INPP5E: variants seen among roughly 807,000 people sequenced by gnomAD.
INPP5E encodes phosphatidylinositol polyphosphate 5-phosphatase type IV.
In INPP5E, 34 loss-of-function variants were observed where a neutral mutation model predicts 50.5. That is an observed-to-expected ratio of 0.67 (90% CI 0.51 to 0.90). The LOEUF is 0.90. Among genes scored for constraint, INPP5E ranks in the 40% least tolerant of loss-of-function variants. The probability of loss-of-function intolerance (pLI) is 0.00; values close to 1 mark genes in which losing one functional copy is unlikely to be tolerated. For synonymous variants in INPP5E, 447 were observed against 406.0 expected (o/e 1.10, Z -1.21); for missense variants, 942 against 905.5 (o/e 1.04, Z -0.52).
intron 1 of INPP5E, chr9:136,436,089 C>T (rs541267887): frequency 1.9e-4 from 29 of 152,364 alleles, no homozygotes; most frequent in African/African-American, 7.0e-4. Flanking sequence ...CCTGTGACCT[C>T]CCGCGAGAAC....
rs992365441 is a variant in INPP5E, at chr9:136,432,350, G to A, written c.1387+129C>T. 13 of 717,922 alleles carry A rather than the reference G, an allele frequency of 1.8e-5. No homozygotes were observed. The African/African-American group carries it at 2.1e-4, about 12-fold the overall frequency. The allele number at this position is 717,922 out of a possible 1,614,324, so 44.5% of individuals were successfully genotyped here. A position where few individuals can be genotyped will look rare whatever the true frequency, so the allele number is the denominator to read the frequency against. ...GAACCGCGAGGGGCCATGCGCTGGG[G>A]GCACTGGACGTTTCGGCCCTCGCTT... On this transcript the variant is annotated intron_variant, in intron 6 of 9. Coordinates refer to ENST00000371712, the MANE Select transcript of INPP5E (RefSeq NM_019892.6).
chr9:136,435,082 T>A lies in INPP5E; in HGVS notation c.813-219A>T, dbSNP rs180901984. ...ACACCCAGAGCGGGTTCACACCCCC[T>A]CCCTACCTCCCGGGAAGAGGCATGA... On this transcript the variant is annotated intron_variant, in intron 1 of 9. Transcript: ENST00000371712. Among the ~76,000 whole-genome samples the A allele has an allele frequency of 3.9e-5, 6 of 152,258 alleles. No homozygotes were observed. In the East Asian group the frequency reaches 9.6e-4, roughly 24 times the overall value.
Position 136,438,763 on chromosome 9 carries a change from G to A in INPP5E, c.657C>T (p.Tyr219=), listed in dbSNP as rs772835287. Residue 219 remains tyrosine, a synonymous_variant, in exon 1 of 10, where the codon TAC becomes TAT. Transcript: ENST00000371712. ...ANKVDSDLAD[Y]KLRAQPLLVR... ...CCAGGAGCGGCTGCGCGCGGAGCTT[G>A]TAGTCTGCAAGATCCGAGTCGACCT... 1.9e-6 allele frequency: 3 copies of A among 1,611,902 alleles called. No homozygotes were observed. Among genetic ancestry groups the A allele is most frequent in the Admixed American group, 3.3e-5 (2 of 59,980 alleles).
At position 136,429,278 on chromosome 9, in the gene INPP5E, G is replaced by A. The variant is rs923151837; in HGVS notation, c.*397C>T. 2 of 337,170 alleles carry A rather than the reference G, an allele frequency of 5.9e-6. No homozygotes were observed. The highest frequency in any genetic ancestry group is 2.6e-5 in the South Asian group (1 of 38,084). 20.9% of individuals were successfully genotyped at this position (337,170 alleles called of 1,614,324 possible). A position where few individuals can be genotyped will look rare whatever the true frequency, so the allele number is the denominator to read the frequency against. On this transcript the variant is annotated 3_prime_UTR_variant, in exon 10 of 10. Transcript: ENST00000371712. ...GAGGACACAGATGGACGCCTGCTTC[G>A]GGTGTGGAGGGAGAGGCTGGTGCAG... is the stretch of plus-strand genomic sequence containing the variant.
chr9:136,429,595 C>A lies in INPP5E; in HGVS notation c.*80G>T. 1 of 1,580,436 alleles carries A rather than the reference C, an allele frequency of 6.3e-7. No individual in the cohort carries two copies. On this transcript the variant is annotated 3_prime_UTR_variant, in exon 10 of 10. Transcript: ENST00000371712. ...AGTCCCTCGGATCCCCGAAAGGCGG[C>A]AAACTCTTTGTCCTTCCCAGTGGGT...
rs761489335 is a variant in INPP5E, at chr9:136,431,806, GC to G, written c.1549+17del. Reference sequence around the variant, plus strand: ...CCTCTCCTCATCTCCCTCCATGCCCGCCCCCCCAGGCCCTCACCTTTCCGCA... The same window carrying G: ...CCTCTCCTCATCTCCCTCCATGCCCGCCCCCCAGGCCCTCACCTTTCCGCA... On this transcript the variant is annotated intron_variant, in intron 7 of 9. Coordinates refer to ENST00000371712, the MANE Select transcript of INPP5E (RefSeq NM_019892.6). The G allele has an allele frequency of 2.0e-5, 24 of 1,194,988 alleles. No homozygotes were observed. The highest frequency in any genetic ancestry group is 2.4e-4 in the Middle Eastern group (1 of 4,220). 74.0% of individuals were successfully genotyped at this position (1,194,988 alleles called of 1,614,324 possible).
In INPP5E at chr9:136,438,384, A is replaced by G. The variant is rs1835881399; in HGVS notation, c.812+224T>C. 1.5e-5 allele frequency: 9 copies of G among 603,072 alleles called. No homozygotes were observed. In the South Asian group the frequency reaches 1.8e-4, roughly 12 times the overall value. 37.4% of individuals were successfully genotyped at this position (603,072 alleles called of 1,614,324 possible). ...AGGATGCCATCCTGTCTACCTTAAC[A>G]CAACGTCACGCCCACGAATGGTTCT... On this transcript the variant is annotated intron_variant, in intron 1 of 9. Coordinates refer to ENST00000371712, the MANE Select transcript of INPP5E (RefSeq NM_019892.6).
chr9:136,432,019 A>T (rs1564432397), intron 6 of INPP5E, 34 bp from the exon 7 acceptor site: 1 of 1,612,398 alleles, frequency 6.2e-7, no homozygotes. Flanking sequence ...GGGCACAGGC[A>T]GAGGGACGGC....
Position 136,429,625 on chromosome 9 carries a change from A to G in INPP5E, c.*50T>C. On this transcript the variant is annotated 3_prime_UTR_variant, in exon 10 of 10. Transcript: ENST00000371712. The stretch of plus-strand genomic sequence containing the variant: ...TCTTTGTCCTTCCCAGTGGGTTTTG[A>G]TCAATACAATCACCCCACGTTGCAG... The G allele has an allele frequency of 6.2e-7, 1 of 1,608,714 alleles. No homozygotes were observed. Among genetic ancestry groups the G allele is most frequent in the Non-Finnish European group, 8.5e-7 (1 of 1,177,720 alleles).
Position 136,438,755 on chromosome 9 carries a change from C to G in INPP5E, c.665G>C (p.Arg222Pro). The G allele has an allele frequency of 6.2e-7, 1 of 1,611,556 alleles. No individual in the cohort carries two copies. The highest frequency in any genetic ancestry group is 8.5e-7 in the Non-Finnish European group (1 of 1,179,486). The change falls in exon 1 of 10, where the codon CGC (arginine) becomes CCC (proline). Residue 222 changes from arginine to proline, a missense_variant. Coordinates refer to ENST00000371712, the MANE Select transcript of INPP5E (RefSeq NM_019892.6). Reference protein sequence around the residue: ...VDSDLADYKLRAQPLLVRAHS... With the variant: ...VDSDLADYKLPAQPLLVRAHS... The stretch of plus-strand genomic sequence containing the variant: ...GGCCCGCACCAGGAGCGGCTGCGCG[C>G]GGAGCTTGTAGTCTGCAAGATCCGA...
At chr9:136,433,936 A>G in intron 3 of INPP5E, 101 bp downstream of exon 3, 1 of 926,972 alleles carries the variant, frequency 1.1e-6, no homozygotes, top group Non-Finnish European at 1.7e-6. Flanking sequence ...CCGGGCAGGC[A>G]CTGCAGACCC....
intron 3 of INPP5E, 34 bp downstream of exon 3, chr9:136,434,003 T>C (rs1835771267): frequency 6.5e-7 from 1 of 1,528,210 alleles, no homozygotes; most frequent in Non-Finnish European, 8.9e-7. Context: ...CGGCAGCCCC[T>C]GGGCAGGCAC....
chr9:136,430,144 C>CG, intron 9 of INPP5E, 133 bp downstream of exon 9: 1 of 1,212,822 alleles, frequency 8.2e-7, no homozygotes, highest in Non-Finnish European at 1.2e-6. Flanking sequence ...CAACCGATCC[C>CG]GGGGAACACA....
intron 8 of INPP5E, 32 bp downstream of exon 8, chr9:136,430,970 C>T (rs748524349): frequency 6.9e-7 from 1 of 1,444,648 alleles, no homozygotes; most frequent in South Asian, 1.1e-5. Flanking sequence ...GCCCTGGAAG[C>T]ACTCTGCACC....
chr9:136,433,633 G>GGGGGCCCGGGAGGCCTT (rs1835764231), intron 3 of INPP5E, among the ~76,000 whole-genome samples: 3 of 152,218 alleles, frequency 2.0e-5, no homozygotes, highest in African/African-American at 7.2e-5. Flanking sequence ...GCCATGACAT[G>GGGGGCCCGGGAGGCCTT]GGGGCCCGGG....
chr9:136,436,022 GC>G (rs1835821997), intron 1 of INPP5E: 1 of 152,178 alleles, frequency 6.6e-6, no homozygotes, highest in Non-Finnish European at 1.5e-5. Flanking sequence ...TTCTGGATAC[GC>G]CGTCTTCTGA....
rs2131618025 is a variant in INPP5E, at chr9:136,438,788, T to C, written c.632A>G (p.Lys211Arg). 1 of 1,612,162 alleles carries C rather than the reference T, an allele frequency of 6.2e-7. No homozygotes were observed. The highest frequency in any genetic ancestry group is 1.3e-5 in the African/African-American group (1 of 75,012). Residue 211 changes from lysine (K) to arginine (R), a missense_variant, in exon 1 of 10, where the codon AAG becomes AGG. Physicochemically the swap from Lys to Arg is conservative, Grantham distance 26 (BLOSUM62 2). Transcript: ENST00000371712. ...IASDSLRTANKVDSDLADYKL... is the reference protein window; with the variant it reads ...IASDSLRTANRVDSDLADYKL... ...GTAGTCTGCAAGATCCGAGTCGACC[T>C]TGTTTGCTGTCCTCAGGGAGTCGGA... is the stretch of plus-strand genomic sequence containing the variant.
In INPP5E at chr9:136,439,173, C is replaced by T. The variant is rs1016285166; in HGVS notation, c.247G>A (p.Ala83Thr). 7.7e-6 allele frequency: 12 copies of T among 1,561,652 alleles called. No individual in the cohort carries two copies. The African/African-American group carries it at 1.5e-4, about 19-fold the overall frequency. Residue 83 changes from alanine to threonine, a missense_variant, in exon 1 of 10, where the codon GCC (alanine) becomes ACC (threonine). Transcript: ENST00000371712. ...CAGCCCTTGTCGTCCAGGGACAGGG[C>T]TCGCTCCAGTCGAGGCCTGGCGGGG... ...RPPARPRLER[A>T]LSLDDKGWRR...
intron 3 of INPP5E, 148 bp downstream of exon 3, chr9:136,433,889 G>A (rs529969996): frequency 3.6e-5 from 25 of 702,414 alleles, no homozygotes; most frequent in Middle Eastern, 3.7e-4. Flanking sequence ...GCCACGAACC[G>A]GGTATCAGCG....
Sources: allele counts gnomAD v4.1 joint callset (sites outside exome capture counted in the v4.1 genomes callset), GRCh38; gene constraint gnomAD v4.1.1; transcripts MANE v1.5; gene names NCBI Gene and HGNC (gene_info 2026-07-23, HGNC 2026-07-21).